SIAH2: variants seen among roughly 807,000 people sequenced by gnomAD.
The protein encoded by SIAH2 is E3 ubiquitin-protein ligase SIAH2.
SIAH2 carries 4 observed loss-of-function variants against 20.4 expected under a neutral mutation model. The ratio of observed to expected loss-of-function variants is 0.20; its 90% confidence interval spans 0.10 to 0.45. The LOEUF (loss-of-function observed/expected upper bound fraction) is 0.45, where lower values mean the gene tolerates loss of function less well. Among genes scored for constraint, SIAH2 ranks in the 20% least tolerant of loss-of-function variants. SIAH2 has a pLI of 0.99. For missense variants in SIAH2, 259 were observed against 440.3 expected (o/e 0.59, Z 3.69); for synonymous variants, 171 against 192.5 (o/e 0.89, Z 0.93).
chr3:150,743,283 A>G (rs1452419682), intron 1 of SIAH2, among the ~76,000 whole-genome samples: 1 of 152,234 alleles, frequency 6.6e-6, no homozygotes, highest in Non-Finnish European at 1.5e-5. Context: ...GGAGGCCTGG[A>G]GACCCCTTCA....
At chr3:150,756,456 C>T (rs891356511) in intron 1 of SIAH2, among the ~76,000 whole-genome samples, 2 of 152,190 alleles carry the variant, frequency 1.3e-5, no homozygotes, top group African/African-American at 2.4e-5. Flanking sequence ...ACAGTGAAGC[C>T]TCACTATATT....
chr3:150,757,129 G>A (rs900570135), intron 1 of SIAH2, among the ~76,000 whole-genome samples: 5 of 152,082 alleles, frequency 3.3e-5, no homozygotes, highest in Non-Finnish European at 5.9e-5. Context: ...CGTCATCTCC[G>A]TTCTTTCTAA....
In SIAH2 at chr3:150,762,741, T is replaced by TGGC. The variant is rs1714652773; in HGVS notation, c.106_108dup (p.Ala36dup). Reference sequence around the variant, plus strand: ...GAGCCGGGGCCCGCAGCCGAGATGGTGGCGGCGGCCGGGGGCGCAGCCGGG... The same window carrying TGGC: ...GAGCCGGGGCCCGCAGCCGAGATGGTGGCGGCGGCGGCCGGGGGCGCAGCCGGG... On this transcript the variant is annotated inframe_insertion, in exon 1 of 2. Coordinates refer to ENST00000312960, the MANE Select transcript of SIAH2 (RefSeq NM_005067.7). The surrounding 1 kb of genome is among the most constrained non-coding windows in gnomAD (Gnocchi z 6.6). 18 of 1,174,804 alleles carry TGGC rather than the reference T, an allele frequency of 1.5e-5. No homozygotes were observed. The highest frequency in any genetic ancestry group is 1.9e-5 in the Non-Finnish European group (18 of 945,522). The allele number at this position is 1,174,804 out of a possible 1,614,324, so 72.8% of individuals were successfully genotyped here. A position where few individuals can be genotyped will look rare whatever the true frequency, so the allele number is the denominator to read the frequency against.
chr3:150,756,544 C>G (rs554118210), intron 1 of SIAH2, among the ~76,000 whole-genome samples: 2 of 152,162 alleles, frequency 1.3e-5, no homozygotes, highest in Admixed American at 1.3e-4. Context: ...CAATCTTGGG[C>G]TGGTATTTTA....
chr3:150,755,722 G>A (rs1300966589), intron 1 of SIAH2, among the ~76,000 whole-genome samples: 1 of 151,724 alleles, frequency 6.6e-6, no homozygotes, highest in Admixed American at 6.6e-5. Context: ...ACTCCATGTT[G>A]GTCAGGCTGG....
chr3:150,759,743 G>A (rs1429793264), intron 1 of SIAH2, among the ~76,000 whole-genome samples: 2 of 151,784 alleles, frequency 1.3e-5, no homozygotes, highest in Non-Finnish European at 2.9e-5. Flanking sequence ...AAAGTAACTG[G>A]CAGATAGAGG....
intron 1 of SIAH2, among the ~76,000 whole-genome samples, chr3:150,755,668 C>T (rs1441213678): frequency 6.6e-6 from 1 of 152,140 alleles, no homozygotes; most frequent in East Asian, 1.9e-4. Context: ...CAGGCATGCG[C>T]CACCACGCCT....
intron 1 of SIAH2, among the ~76,000 whole-genome samples, chr3:150,750,724 A>T (rs1472711276): frequency 6.6e-6 from 1 of 152,158 alleles, no homozygotes; most frequent in Non-Finnish European, 1.5e-5. Flanking sequence ...GGCAGTGAGA[A>T]GGTTTATAGC....
chr3:150,758,254 T>C (rs1024616363), intron 1 of SIAH2, among the ~76,000 whole-genome samples: 1 of 152,148 alleles, frequency 6.6e-6, no homozygotes. Context: ...TATTTGGAGA[T>C]ATGCTACTAG....
At position 150,742,455 on chromosome 3, in the gene SIAH2, T is replaced by C; in HGVS notation, c.661A>G (p.Met221Val). The change falls in exon 2 of 2, where the codon ATG becomes GTG. Residue 221 changes from methionine to valine, a missense_variant. Met to Val is a conservative substitution (Grantham distance 21, BLOSUM62 1). Coordinates refer to ENST00000312960, the MANE Select transcript of SIAH2 (RefSeq NM_005067.7). This position sits in a 1 kb window ranked among gnomAD's most constrained non-coding sequence, Gnocchi z 4.8. The stretch of plus-strand genomic sequence containing the variant: ...AAGTGATGGCCAAAACATGACTGCA[T>C]CATCACCCAGTCGACAGCCCCTGGC... ...NLPGAVDWVMMQSCFGHHFML... is the reference protein window; with the variant it reads ...NLPGAVDWVMVQSCFGHHFML... The C allele has an allele frequency of 6.2e-7, 1 of 1,614,164 alleles. No individual in the cohort carries two copies. Among genetic ancestry groups the C allele is most frequent in the Non-Finnish European group, 8.5e-7 (1 of 1,180,026 alleles).
rs147163206 is a variant in SIAH2, at chr3:150,748,123, G to A, written c.418-5425C>T. Among the ~76,000 whole-genome samples the A allele has an allele frequency of 1.8e-3, 275 of 152,280 alleles. 1 individual carries two copies. Among genetic ancestry groups the A allele is most frequent in the African/African-American group, 6.4e-3 (268 of 41,566 alleles). The stretch of plus-strand genomic sequence containing the variant: ...CAGATGTGTTCTGCCATTGAGATGT[G>A]ATGTGTAATCCGGACCCTCATTCTT... On this transcript the variant is annotated intron_variant, in intron 1 of 1. Transcript: ENST00000312960.
Position 150,762,376 on chromosome 3 carries a change from G to A in SIAH2, c.417+57C>T, listed in dbSNP as rs1714638334. 2.1e-5 allele frequency: 33 copies of A among 1,557,328 alleles called. No homozygotes were observed. The highest frequency in any genetic ancestry group is 2.9e-5 in the Non-Finnish European group (33 of 1,153,410). On this transcript the variant is annotated intron_variant, in intron 1 of 1. Coordinates refer to ENST00000312960, the MANE Select transcript of SIAH2 (RefSeq NM_005067.7). The surrounding 1 kb of genome is among the most constrained non-coding windows in gnomAD (Gnocchi z 6.6). ...TCTCCGGGCCTGCGAGTGGGCTGGC[G>A]GATACCGGAGTCCCTGAGGTCACCG...
At chr3:150,748,750 G>A (rs1714283093) in intron 1 of SIAH2, among the ~76,000 whole-genome samples, 1 of 152,130 alleles carries the variant, frequency 6.6e-6, no homozygotes, top group African/African-American at 2.4e-5. Flanking sequence ...CCTTGTCTTG[G>A]AGTTAAAAAA....
At chr3:150,752,132 G>A (rs944845215) in intron 1 of SIAH2, among the ~76,000 whole-genome samples, 1 of 152,188 alleles carries the variant, frequency 6.6e-6, no homozygotes, top group Non-Finnish European at 1.5e-5. Context: ...AAGGCTCTAT[G>A]CCATGTGACC....
Position 150,762,948 on chromosome 3 carries a change from A to G in SIAH2, c.-99T>C, listed in dbSNP as rs899821065. ...CCCGCGGGCAGCGAGCTCCGAGGCAACGCCACGGCGCCCAGCCCAGGTCCG... is the reference window on the plus strand; with the variant it reads ...CCCGCGGGCAGCGAGCTCCGAGGCAGCGCCACGGCGCCCAGCCCAGGTCCG... On this transcript the variant is annotated 5_prime_UTR_variant, in exon 1 of 2. Coordinates refer to ENST00000312960, the MANE Select transcript of SIAH2 (RefSeq NM_005067.7). This position sits in a 1 kb window ranked among gnomAD's most constrained non-coding sequence, Gnocchi z 6.6. 4 of 1,099,024 alleles carry G rather than the reference A, an allele frequency of 3.6e-6. No individual in the cohort carries two copies. In the African/African-American group the frequency reaches 5.1e-5, roughly 14 times the overall value. 68.1% of individuals were successfully genotyped at this position (1,099,024 alleles called of 1,614,324 possible). A position where few individuals can be genotyped will look rare whatever the true frequency, so the allele number is the denominator to read the frequency against.
chr3:150,743,404 A>G (rs890832304), intron 1 of SIAH2, among the ~76,000 whole-genome samples: 16 of 152,236 alleles, frequency 1.1e-4, no homozygotes, highest in African/African-American at 3.9e-4. Flanking sequence ...TAACTAACTC[A>G]GAAGACTACT....
chr3:150,762,773 G>T lies in SIAH2; in HGVS notation c.77C>A (p.Thr26Asn). The change falls in exon 1 of 2, where the codon ACT becomes AAT. Residue 26 changes from threonine to asparagine, a missense_variant. Around this residue, in one of 2 missense-constraint regions of SIAH2, gnomAD observed 99 missense variants for 112.7 expected, o/e 0.88. Coordinates refer to ENST00000312960, the MANE Select transcript of SIAH2 (RefSeq NM_005067.7). This position sits in a 1 kb window ranked among gnomAD's most constrained non-coding sequence, Gnocchi z 6.6. ...GGCCGGGGGCGCAGCCGGGGACGGA[G>T]TGTGCTGGGGCTGCGGCGGCGGCTG... ...SKQPPPQPQH[T>N]PSPAAPPAAA... 1 of 1,211,502 alleles carries T rather than the reference G, an allele frequency of 8.3e-7. No individual in the cohort carries two copies. The highest frequency in any genetic ancestry group is 3.5e-4 in the Middle Eastern group (1 of 2,894). The allele number at this position is 1,211,502 out of a possible 1,614,324, so 75.0% of individuals were successfully genotyped here.
chr3:150,757,728 C>T (rs900509465), intron 1 of SIAH2, among the ~76,000 whole-genome samples: 3 of 151,936 alleles, frequency 2.0e-5, no homozygotes, highest in African/African-American at 7.3e-5. Context: ...CACTTGTAAT[C>T]CCAGCACTTT....
chr3:150,752,085 C>T (rs986153867), intron 1 of SIAH2, among the ~76,000 whole-genome samples: 8 of 152,178 alleles, frequency 5.3e-5, no homozygotes, highest in African/African-American at 1.9e-4. Context: ...TTTCAAAGTG[C>T]ATGTTCAAGC....
Sources: gnomAD v4.1 joint callset for allele counts (sites outside exome capture counted in the v4.1 genomes callset) on GRCh38, gnomAD v4.1.1 for gene constraint, gnomAD v4.1.1 regional missense constraint, Gnocchi (gnomAD v3.1) non-coding constraint, MANE v1.5 for transcripts, NCBI Gene and HGNC (gene_info 2026-07-23, HGNC 2026-07-21) for gene names.